Variants in RBBP4 observed in about 807,000 individuals in gnomAD.
RBBP4 encodes the protein RB binding protein 4, chromatin remodeling factor.
In RBBP4, 3 loss-of-function variants were observed where a neutral mutation model predicts 57.2. The ratio of observed to expected loss-of-function variants is 0.05; its 90% CI spans 0.02 to 0.14. The LOEUF is 0.14. Among genes scored for constraint, RBBP4 ranks in the 10% least tolerant of loss-of-function variants. RBBP4 has a pLI of 1.00. For missense variants in RBBP4, 107 were observed against 520.6 expected (o/e 0.21, Z 7.73); for synonymous variants, 151 against 171.5 (o/e 0.88, Z 0.93).
chr1:32,652,271 A>C, intron 2 of RBBP4: 1 of 554,072 alleles, frequency 1.8e-6, no homozygotes, highest in East Asian at 3.0e-5. Context: ...TTTTTTTCTC[A>C]ATACTGAATT....
Position 32,664,692 on chromosome 1 carries a change from C to T in RBBP4, c.311-3533C>T, listed in dbSNP as rs563817645. Reference sequence around the variant, plus strand: ...GATCTCAAACTCCTGACCTTGTGATCCACCCGTCTCGGCCTCCCAAAGTGC... The same window carrying T: ...GATCTCAAACTCCTGACCTTGTGATTCACCCGTCTCGGCCTCCCAAAGTGC... On this transcript the variant is annotated intron_variant, in intron 3 of 11. Coordinates refer to ENST00000373493, the MANE Select transcript of RBBP4 (RefSeq NM_005610.3). Among the ~76,000 whole-genome samples the T allele has an allele frequency of 2.0e-5, 3 of 152,146 alleles. No homozygotes were observed. The South Asian group carries it at 6.2e-4, about 32-fold the overall frequency.
chr1:32,676,440 A>C (rs545608214), intron 11 of RBBP4, among the ~76,000 whole-genome samples: 2 of 151,530 alleles, frequency 1.3e-5, no homozygotes, highest in Non-Finnish European at 2.9e-5. Flanking sequence ...CCCCATCTCT[A>C]CTAAAAAATA....
At chr1:32,652,488 CCA>C (rs1319005510) in intron 2 of RBBP4, 2 of 161,878 alleles carry the variant, frequency 1.2e-5, no homozygotes, top group African/African-American at 4.8e-5. Context: ...CTACTGCCCC[CCA>C]CACAAAAAAA....
Position 32,680,273 on chromosome 1 carries a change from T to G in RBBP4, c.*568T>G. 1 of 1,236,398 alleles carries G rather than the reference T, an allele frequency of 8.1e-7. No homozygotes were observed. The allele number at this position is 1,236,398 out of a possible 1,614,324, so 76.6% of individuals were successfully genotyped here. ...TCCTCTTTCCCCATATATTCATATA[T>G]TTTTGCTCGTTAGTGTATTTCTTGA... On this transcript the variant is annotated 3_prime_UTR_variant, in exon 12 of 12. Coordinates refer to ENST00000373493, the MANE Select transcript of RBBP4 (RefSeq NM_005610.3).
At chr1:32,656,710 C>T (rs1298629191) in intron 2 of RBBP4, among the ~76,000 whole-genome samples, 4 of 152,040 alleles carry the variant, frequency 2.6e-5, no homozygotes, top group African/African-American at 9.7e-5. Context: ...ACTTCCATCG[C>T]GTTTGGAGCG....
rs555038812 is a variant in RBBP4 at position 32,678,374 on chromosome 1, C to T, written c.1213-1266C>T. Among the ~76,000 whole-genome samples, 173 of 151,782 alleles carry T rather than the reference C, an allele frequency of 1.1e-3. 1 individual carries two copies. The highest frequency in any genetic ancestry group is 1.6e-3 in the Non-Finnish European group (107 of 67,922). Reference sequence around the variant, plus strand: ...CCCAAATAGCTGGGATTACAGGCGCCTGTCACCACGCCTGGCTAATTTTTA... The same window carrying T: ...CCCAAATAGCTGGGATTACAGGCGCTTGTCACCACGCCTGGCTAATTTTTA... On this transcript the variant is annotated intron_variant, in intron 11 of 11. Coordinates refer to ENST00000373493, the MANE Select transcript of RBBP4 (RefSeq NM_005610.3).
intron 2 of RBBP4, among the ~76,000 whole-genome samples, chr1:32,654,047 G>C (rs1366870940): frequency 6.6e-6 from 1 of 152,048 alleles, no homozygotes; most frequent in African/African-American, 2.4e-5. Flanking sequence ...AATCATTTCT[G>C]TCAAGAGTTT....
At chr1:32,677,477 A>AAAAC (rs1553196771) in intron 11 of RBBP4, among the ~76,000 whole-genome samples, 1 of 150,468 alleles carries the variant, frequency 6.6e-6, no homozygotes, top group Non-Finnish European at 1.5e-5. Flanking sequence ...ATTTAAAAAA[A>AAAAC]AAAACAAAAC....
At position 32,681,806 on chromosome 1, in the gene RBBP4, GA is replaced by G; in HGVS notation, c.*2103del. 1 of 1,614,166 alleles carries G rather than the reference GA, an allele frequency of 6.2e-7. No individual in the cohort carries two copies. The highest frequency in any genetic ancestry group is 8.5e-7 in the Non-Finnish European group (1 of 1,180,014). The stretch of plus-strand genomic sequence containing the variant: ...AGGGTACTTAGTGATCCTTTGCTAA[GA>G]AGTTTTTTGCTGTTTCCGGGTTACA... On this transcript the variant is annotated 3_prime_UTR_variant, in exon 12 of 12. Transcript: ENST00000373493.
chr1:32,677,387 G>C (rs1482419894), intron 11 of RBBP4, among the ~76,000 whole-genome samples: 1 of 151,650 alleles, frequency 6.6e-6, no homozygotes, highest in East Asian at 1.9e-4. Flanking sequence ...AGCATGCCCA[G>C]AGACTTGATG....
At chr1:32,660,014 C>G (rs1186117469) in intron 3 of RBBP4, among the ~76,000 whole-genome samples, 1 of 152,218 alleles carries the variant, frequency 6.6e-6, no homozygotes, top group African/African-American at 2.4e-5. Context: ...GTATTTATGT[C>G]TGTTTCTCCA....
rs553870636 is a variant in RBBP4 at position 32,662,012 on chromosome 1, A to G, written c.310+4440A>G. Among the ~76,000 whole-genome samples the G allele has an allele frequency of 4.7e-5, 7 of 148,026 alleles. No individual in the cohort carries two copies. The East Asian group carries it at 1.4e-3, about 30-fold the overall frequency. ...GCGATTCTCCTGCCTCAGCCTCCCA[A>G]GTAGCTGGGACTACAGGTCTGTGCC... On this transcript the variant is annotated intron_variant, in intron 3 of 11. Coordinates refer to ENST00000373493, the MANE Select transcript of RBBP4 (RefSeq NM_005610.3).
chr1:32,677,869 A>G (rs1183579226), intron 11 of RBBP4, among the ~76,000 whole-genome samples: 1 of 152,144 alleles, frequency 6.6e-6, no homozygotes, highest in Non-Finnish European at 1.5e-5. Flanking sequence ...TACCTATCAT[A>G]GTGATATGTG....
intron 2 of RBBP4, among the ~76,000 whole-genome samples, chr1:32,653,683 G>A (rs1172636883): frequency 1.9e-5 from 2 of 103,430 alleles, no homozygotes; most frequent in African/African-American, 7.7e-5. Flanking sequence ...TTTTTGAGAC[G>A]GAGTCTCCTC....
chr1:32,679,512 AAC>A (rs1570879421), intron 11 of RBBP4, 126 bp from the exon 12 acceptor site: 3 of 743,950 alleles, frequency 4.0e-6, no homozygotes, highest in Non-Finnish European at 6.2e-6. Flanking sequence ...GAATAGTTGT[AAC>A]ACAGATTGTG....
At chr1:32,664,237 C>T (rs1648552068) in intron 3 of RBBP4, among the ~76,000 whole-genome samples, 1 of 152,150 alleles carries the variant, frequency 6.6e-6, no homozygotes, top group Non-Finnish European at 1.5e-5. Flanking sequence ...AACCCAGTAA[C>T]ATTGGGCCGG....
intron 3 of RBBP4, among the ~76,000 whole-genome samples, chr1:32,661,406 T>C (rs1262652737): frequency 1.3e-5 from 2 of 151,650 alleles, no homozygotes; most frequent in Non-Finnish European, 2.9e-5. Context: ...GCAGTTCTTC[T>C]GCCTCAGCTT....
At chr1:32,667,283 T>G (rs1648694941) in intron 3 of RBBP4, among the ~76,000 whole-genome samples, 1 of 152,228 alleles carries the variant, frequency 6.6e-6, no homozygotes, top group Non-Finnish European at 1.5e-5. Flanking sequence ...GAAAAAATAG[T>G]GAAAGTCTTA....
chr1:32,657,594 G>C, intron 3 of RBBP4, 22 bp downstream of exon 3: 1 of 1,611,120 alleles, frequency 6.2e-7, no homozygotes, highest in Non-Finnish European at 8.5e-7. Flanking sequence ...AAAGGTGAAA[G>C]AAGTAAAGAT....
Sources: gnomAD v4.1 joint callset for allele counts (sites outside exome capture counted in the v4.1 genomes callset) on GRCh38, gnomAD v4.1.1 for gene constraint, MANE v1.5 for transcripts, NCBI Gene and HGNC (gene_info 2026-07-23, HGNC 2026-07-21) for gene names.